BAZ2B: variants seen among roughly 807,000 people sequenced by gnomAD.
The protein encoded by BAZ2B is bromodomain adjacent to zinc finger domain protein 2B.
A neutral mutation model predicts 246.0 loss-of-function variants in BAZ2B; 91 were observed. That is an observed-to-expected ratio of 0.37 (90% CI 0.31 to 0.44). BAZ2B has a LOEUF of 0.44. Ranked by LOEUF, BAZ2B falls within the 20% of genes least tolerant of loss-of-function variation. The pLI, the probability that BAZ2B is intolerant of heterozygous loss-of-function variation, is 1.00. For synonymous variants in BAZ2B, 855 were observed against 860.0 expected (o/e 0.99, Z 0.10); for missense variants, 2,332 against 2,533.7 (o/e 0.92, Z 1.71).
At chr2:159,587,865 G>A (rs1688400492) in intron 1 of BAZ2B, among the ~76,000 whole-genome samples, 1 of 152,176 alleles carries the variant, frequency 6.6e-6, no homozygotes, top group African/African-American at 2.4e-5. Flanking sequence ...GCAATGAATT[G>A]TATACAATAT....
At chr2:159,604,953 C>CGT (rs1559886908) in intron 1 of BAZ2B, among the ~76,000 whole-genome samples, 6 of 57,826 alleles carry the variant, frequency 1.0e-4, no homozygotes, top group Middle Eastern at 8.2e-3. Context: ...TGTGTGTGTG[C>CGT]GCGTGTGTGC....
chr2:159,348,630 C>T (rs760566757), intron 30 of BAZ2B, 48 bp downstream of exon 30: 2 of 1,542,920 alleles, frequency 1.3e-6, no homozygotes, highest in East Asian at 2.3e-5. Context: ...ATAATTAATT[C>T]TCATAACTAA....
At chr2:159,376,555 C>A (rs1420820693) in intron 25 of BAZ2B, among the ~76,000 whole-genome samples, 2 of 152,114 alleles carry the variant, frequency 1.3e-5, no homozygotes, top group African/African-American at 4.8e-5. Flanking sequence ...AAAGAAAACT[C>A]AAAAGATAAC....
intron 2 of BAZ2B, among the ~76,000 whole-genome samples, chr2:159,553,392 C>CAAAAAAAAAAAAAAAAAAAAAAAAA (rs35253250): frequency 2.7e-5 from 2 of 73,810 alleles, no homozygotes; most frequent in Non-Finnish European, 4.9e-5. Context: ...GACTCTGTCT[C>CAAAAAAAAAAAAAAAAAAAAAAAAA]AAAAAAAAAA....
At chr2:159,605,034 GAGAGAA>G (rs1191985795) in intron 1 of BAZ2B, among the ~76,000 whole-genome samples, 4 of 150,376 alleles carry the variant, frequency 2.7e-5, no homozygotes, top group East Asian at 4.2e-4. Context: ...ATGCACAGGA[GAGAGAA>G]AGAGAGAGAG....
chr2:159,560,281 C>A (rs1037943507), intron 1 of BAZ2B, among the ~76,000 whole-genome samples: 5 of 152,106 alleles, frequency 3.3e-5, no homozygotes, highest in African/African-American at 1.2e-4. Flanking sequence ...GCTGATTAAT[C>A]CTGAAATTTG....
intron 31 of BAZ2B, among the ~76,000 whole-genome samples, chr2:159,340,560 C>T (rs2066484424): frequency 6.6e-6 from 1 of 151,866 alleles, no homozygotes; most frequent in Non-Finnish European, 1.5e-5. Flanking sequence ...AGGAAATCTC[C>T]ATTAGACTAA....
chr2:159,648,280 C>T, the BAZ2B span, among the ~76,000 whole-genome samples: 11 of 151,880 alleles, frequency 7.2e-5, no homozygotes, highest in Non-Finnish European at 1.3e-4. Context: ...TGGGGTTACA[C>T]GCACATGCCA....
chr2:159,448,466 G>A lies in BAZ2B; in HGVS notation c.335-57C>T, dbSNP rs151065313. 21 of 1,490,304 alleles carry A rather than the reference G, an allele frequency of 1.4e-5. 1 individual carries two copies. Among genetic ancestry groups the A allele is most frequent in the East Asian group, 1.2e-4 (5 of 41,252 alleles). The allele number at this position is 1,490,304 out of a possible 1,614,324, so 92.3% of individuals were successfully genotyped here. A position where few individuals can be genotyped will look rare whatever the true frequency, so the allele number is the denominator to read the frequency against. On this transcript the variant is annotated intron_variant, in intron 4 of 36. Coordinates refer to ENST00000392783, the MANE Select transcript of BAZ2B (RefSeq NM_013450.4). ...TATATAAATTAACTTTCCAGTTAAC[G>A]TCACAATGGCTTTCTATGTTTTATT...
rs1017687522 is a variant in BAZ2B, at chr2:159,349,176, C to T, written c.4968G>A (p.Ser1656=). ...PFTSSVPSLG[S]GLGLSEGNGN... is the part of the protein sequence containing the mutation. ...CATTTCCTTCTGATAACCCTAACCCCGATCCTAGACTAGGTACAGATGATG... is the reference window on the plus strand; with the variant it reads ...CATTTCCTTCTGATAACCCTAACCCTGATCCTAGACTAGGTACAGATGATG... Residue 1656 remains serine, a synonymous_variant, in exon 29 of 37, where the codon TCG becomes TCA. Coordinates refer to ENST00000392783, the MANE Select transcript of BAZ2B (RefSeq NM_013450.4). The T allele has an allele frequency of 2.1e-5, 34 of 1,613,912 alleles. No homozygotes were observed. Among genetic ancestry groups the T allele is most frequent in the Admixed American group, 5.0e-5 (3 of 59,980 alleles).
At chr2:159,654,169 C>T in the BAZ2B span, among the ~76,000 whole-genome samples, 1 of 152,080 alleles carries the variant, frequency 6.6e-6, no homozygotes, top group Non-Finnish European at 1.5e-5. Context: ...ATATATTGAT[C>T]AATAAAAAGA....
the BAZ2B span, among the ~76,000 whole-genome samples, chr2:159,638,875 T>A: frequency 3.3e-5 from 5 of 152,042 alleles, no homozygotes; most frequent in African/African-American, 1.2e-4. Context: ...GTTAAAGACA[T>A]CAACATTCAA....
the BAZ2B span, chr2:159,689,966 A>G: frequency 1.9e-3 from 682 of 362,378 alleles, 4 homozygotes; most frequent in Middle Eastern, 0.025. Context: ...AGCTTCGATC[A>G]TTGTCTGCCA....
At chr2:159,373,212 A>G (rs1437303632) in intron 26 of BAZ2B, 23 bp from the exon 27 acceptor site, 1 of 1,596,666 alleles carries the variant, frequency 6.3e-7, no homozygotes, top group East Asian at 2.2e-5. Context: ...TGGTACATAT[A>G]ATTAGGTTTG....
At position 159,404,909 on chromosome 2, in the gene BAZ2B, T is replaced by C; in HGVS notation, c.2772A>G (p.Ala924=). ...RVAKEAKKQQ[A]IMAAEEKRKQ... is the part of the protein sequence containing the mutation. ...TCCGCTTCTCCTCAGCAGCCATTAT[T>C]GCTACAAGAAACCAAAGGATAGATA... The change falls in exon 16 of 37, where the codon GCA becomes GCG. Residue 924 remains alanine, a splice_region_variant and synonymous_variant. Coordinates refer to ENST00000392783, the MANE Select transcript of BAZ2B (RefSeq NM_013450.4). 6.2e-7 allele frequency: 1 copy of C among 1,613,700 alleles called. No homozygotes were observed. Among genetic ancestry groups the C allele is most frequent in the African/African-American group, 1.3e-5 (1 of 75,048 alleles).
At chr2:159,377,604 A>G (rs2061535848) in intron 25 of BAZ2B, among the ~76,000 whole-genome samples, 1 of 151,902 alleles carries the variant, frequency 6.6e-6, no homozygotes, top group Admixed American at 6.6e-5. Context: ...CACGAGGTCA[A>G]GAGATCGAGA....
the BAZ2B span, among the ~76,000 whole-genome samples, chr2:159,669,057 C>G: frequency 6.8e-6 from 1 of 147,968 alleles, no homozygotes; most frequent in Admixed American, 6.8e-5. Context: ...GACTCCGTCT[C>G]AAAAAAAAAA....
chr2:159,438,995 GA>G lies in BAZ2B; in HGVS notation c.900+13del, dbSNP rs2072914058. The stretch of plus-strand genomic sequence containing the variant: ...TGAATAATGTTTGGATACTGTCCAT[GA>G]AAAAAATTATACCTGGTTGTTACTT... On this transcript the variant is annotated intron_variant, in intron 7 of 36. Transcript: ENST00000392783. The G allele has an allele frequency of 4.3e-6, 7 of 1,610,006 alleles. No individual in the cohort carries two copies. Among genetic ancestry groups the G allele is most frequent in the African/African-American group, 1.3e-5 (1 of 74,734 alleles).
chr2:159,385,399 T>G (rs2062515193), intron 22 of BAZ2B, 30 bp from the exon 23 acceptor site: 6 of 1,558,710 alleles, frequency 3.8e-6, no homozygotes, highest in African/African-American at 1.4e-5. Flanking sequence ...TTATCAGTAT[T>G]ACTCACAACC....
Sources: gnomAD v4.1 joint callset for allele counts (sites outside exome capture counted in the v4.1 genomes callset) on GRCh38, gnomAD v4.1.1 for gene constraint, MANE v1.5 for transcripts, NCBI Gene and HGNC (gene_info 2026-07-23, HGNC 2026-07-21) for gene names.